The following GRM8 variants were observed in gnomAD, a reference collection of about 807,000 sequenced individuals.
The protein encoded by GRM8 is metabotropic glutamate receptor 8.
GRM8 carries 47 observed loss-of-function variants against 87.2 expected under a neutral mutation model. The observed-to-expected ratio is 0.54, with a 90% CI of 0.43 to 0.69. The LOEUF (loss-of-function observed/expected upper bound fraction) is 0.69. GRM8 is among the 30% of genes least tolerant of loss of function. GRM8 has a pLI of 0.00. For missense variants in GRM8, 1,019 were observed against 1,139.2 expected, an observed-to-expected ratio of 0.89 and a Z score of 1.52; for synonymous variants, 396 against 404.5, an observed-to-expected ratio of 0.98 and a Z score of 0.25.
At chr7:127,161,028 G>A (rs762297435) in intron 2 of GRM8, among the ~76,000 whole-genome samples, 4 of 152,294 alleles carry the variant, frequency 2.6e-5, no homozygotes, top group Middle Eastern at 3.4e-3. Flanking sequence ...GATGGGATTA[G>A]AGGTCATTCT....
chr7:126,930,638 T>A (rs1369249637), intron 3 of GRM8, among the ~76,000 whole-genome samples: 2 of 152,216 alleles, frequency 1.3e-5, no homozygotes, highest in African/African-American at 4.8e-5. Flanking sequence ...CTAATTGTTA[T>A]CCTATTTAGT....
intron 3 of GRM8, among the ~76,000 whole-genome samples, chr7:127,094,841 G>A (rs182864501): frequency 2.6e-5 from 4 of 152,224 alleles, no homozygotes; most frequent in South Asian, 2.1e-4. Context: ...GCATTTGTAC[G>A]GGAATCTCTG....
chr7:127,075,980 T>C (rs1286216837), intron 3 of GRM8: 1 of 358,974 alleles, frequency 2.8e-6, no homozygotes, highest in Non-Finnish European at 5.5e-6. Flanking sequence ...CTACAATGTT[T>C]AATGAATTGA....
At chr7:126,556,563 C>T (rs1433873739) in intron 8 of GRM8, among the ~76,000 whole-genome samples, 1 of 152,068 alleles carries the variant, frequency 6.6e-6, no homozygotes, top group Non-Finnish European at 1.5e-5. Flanking sequence ...AGGAGAATTG[C>T]TTGAACGCAG....
At chr7:127,222,451 C>A (rs555403524) in intron 2 of GRM8, among the ~76,000 whole-genome samples, 6 of 152,262 alleles carry the variant, frequency 3.9e-5, no homozygotes, top group Non-Finnish European at 8.8e-5. Flanking sequence ...TTTGAAGATA[C>A]TCTACCCTAC....
intron 9 of GRM8, among the ~76,000 whole-genome samples, chr7:126,468,017 T>G (rs371908116): frequency 6.6e-6 from 1 of 152,150 alleles, no homozygotes; most frequent in East Asian, 1.9e-4. Flanking sequence ...CTATAAACCT[T>G]TTATAACGAT....
intron 9 of GRM8, among the ~76,000 whole-genome samples, chr7:126,472,144 T>C: frequency 6.6e-6 from 1 of 152,188 alleles, no homozygotes; most frequent in Non-Finnish European, 1.5e-5. Context: ...CAGGGACAAT[T>C]TGACTTCCTC....
At chr7:126,586,909 G>A (rs1294214848) in intron 8 of GRM8, among the ~76,000 whole-genome samples, 1 of 152,038 alleles carries the variant, frequency 6.6e-6, no homozygotes, top group Non-Finnish European at 1.5e-5. Context: ...CAGAATAGGA[G>A]AAAATTTTTG....
intron 6 of GRM8, among the ~76,000 whole-genome samples, chr7:126,891,572 C>T (rs1801012224): frequency 1.3e-5 from 2 of 152,002 alleles, no homozygotes; most frequent in African/African-American, 4.8e-5. Context: ...CAACTGCCAT[C>T]CTTTCTCTTG....
chr7:126,692,523 A>G (rs1029078047), intron 7 of GRM8, among the ~76,000 whole-genome samples: 7 of 152,206 alleles, frequency 4.6e-5, no homozygotes, highest in Admixed American at 2.6e-4. Flanking sequence ...AGGACATGGC[A>G]TTACTCTCCA....
chr7:127,248,841 G>A (rs981083661), intron 1 of GRM8, among the ~76,000 whole-genome samples: 2 of 152,166 alleles, frequency 1.3e-5, no homozygotes, highest in Non-Finnish European at 2.9e-5. Flanking sequence ...GTCAACCCTG[G>A]CAAGCCTATA....
chr7:127,020,773 T>C (rs1816185736), intron 3 of GRM8, among the ~76,000 whole-genome samples: 1 of 152,050 alleles, frequency 6.6e-6, no homozygotes, highest in Non-Finnish European at 1.5e-5. Context: ...TTACATTTCG[T>C]TTTATGTGAC....
rs17865235 is a variant in GRM8, at chr7:127,229,856, G to A, written c.510+12839C>T. The A allele has an allele frequency of 4.6e-3, 704 of 152,216 alleles. 6 individuals are homozygous for A. The highest frequency in any genetic ancestry group is 0.016 in the African/African-American group (668 of 41,548). 9.4% of individuals were successfully genotyped at this position (152,216 alleles called of 1,614,324 possible). A position where few individuals can be genotyped will look rare whatever the true frequency, so the allele number is the denominator to read the frequency against. On this transcript the variant is annotated intron_variant, in intron 2 of 10. Transcript: ENST00000339582. ...TTAGGAAAATGGAAAAGAACCGTGAGCCCCTCAAGAATGGTGGCTTTTCTT... is the reference window on the plus strand; with the variant it reads ...TTAGGAAAATGGAAAAGAACCGTGAACCCCTCAAGAATGGTGGCTTTTCTT...
At chr7:127,160,147 C>CA (rs140294825) in intron 2 of GRM8, among the ~76,000 whole-genome samples, 6,581 of 152,164 alleles carry the variant, frequency 0.043, 202 homozygotes, top group Non-Finnish European at 0.066. Context: ...GGAGAGGTAG[C>CA]ATATATACAC....
chr7:127,240,155 A>G (rs1473800574), intron 2 of GRM8, among the ~76,000 whole-genome samples: 1 of 152,182 alleles, frequency 6.6e-6, no homozygotes, highest in Non-Finnish European at 1.5e-5. Flanking sequence ...TCACCCAGTC[A>G]GATGGGGTCC....
chr7:126,856,457 C>T (rs1265794347), intron 6 of GRM8, among the ~76,000 whole-genome samples: 1 of 152,106 alleles, frequency 6.6e-6, no homozygotes, highest in Non-Finnish European at 1.5e-5. Context: ...AGTACCATTT[C>T]TACATGACTT....
chr7:126,664,263 C>T (rs10480488), intron 7 of GRM8, among the ~76,000 whole-genome samples: 2,792 of 152,132 alleles, frequency 0.018, 88 homozygotes, highest in African/African-American at 0.064. Context: ...TCAATGTTAT[C>T]TCTCATAGAG....
intron 3 of GRM8, among the ~76,000 whole-genome samples, chr7:126,930,405 C>T (rs201831498): frequency 6.6e-6 from 1 of 152,138 alleles, no homozygotes; most frequent in Admixed American, 6.5e-5. Flanking sequence ...ACCAAGGGAT[C>T]GGCAGTCCTA....
chr7:127,016,582 A>G (rs1815692865), intron 3 of GRM8, among the ~76,000 whole-genome samples: 1 of 152,070 alleles, frequency 6.6e-6, no homozygotes, highest in Non-Finnish European at 1.5e-5. Flanking sequence ...GATAAATTTC[A>G]GTTTGACAAA....
Sources: allele counts gnomAD v4.1 joint callset (sites outside exome capture counted in the v4.1 genomes callset), GRCh38; gene constraint gnomAD v4.1.1; transcripts MANE v1.5; gene names NCBI Gene and HGNC (gene_info 2026-07-23, HGNC 2026-07-21).